VAV3: variants seen among roughly 807,000 people sequenced by gnomAD.
VAV3 encodes vav guanine nucleotide exchange factor 3, also known as guanine nucleotide exchange factor VAV3.
VAV3 carries 94 observed loss-of-function variants against 131.2 expected under a neutral mutation model. The observed-to-expected ratio is 0.72, with a 90% CI of 0.61 to 0.85. The LOEUF (loss-of-function observed/expected upper bound fraction) is 0.85, where lower values mean the gene tolerates loss of function less well. Among genes scored for constraint, VAV3 ranks in the 40% least tolerant of loss-of-function variants. VAV3 has a pLI of 0.00. For missense variants in VAV3, 939 were observed against 1,002.7 expected, an observed-to-expected ratio of 0.94 and a Z score of 0.86; for synonymous variants, 349 against 342.0, an observed-to-expected ratio of 1.02 and a Z score of -0.22.
intron 2 of VAV3, among the ~76,000 whole-genome samples, chr1:107,781,261 C>T (rs17556028): frequency 0.31 from 46,474 of 151,956 alleles, 7,693 homozygotes; most frequent in Non-Finnish European, 0.36. Flanking sequence ...CTATCATATG[C>T]TTAACTCAGT....
intron 1 of VAV3, among the ~76,000 whole-genome samples, chr1:107,904,374 C>T (rs1393516431): frequency 6.6e-6 from 1 of 152,176 alleles, no homozygotes; most frequent in Non-Finnish European, 1.5e-5. Flanking sequence ...TCTTCATTTC[C>T]TTGGTTCTTT....
intron 2 of VAV3, among the ~76,000 whole-genome samples, chr1:107,815,486 A>T (rs77436627): frequency 0.093 from 14,193 of 152,254 alleles, 842 homozygotes; most frequent in East Asian, 0.25. Flanking sequence ...GCACTGTTCC[A>T]GGCTGCCTGG....
chr1:107,827,346 G>GTTACAAAAAGAACAAC, intron 2 of VAV3, among the ~76,000 whole-genome samples: 1 of 152,192 alleles, frequency 6.6e-6, no homozygotes, highest in East Asian at 1.9e-4. Context: ...TACAAATGAG[G>GTTACAAAAAGAACAAC]TCACTGTTCC....
intron 17 of VAV3, among the ~76,000 whole-genome samples, chr1:107,699,388 C>T (rs1264571610): frequency 6.6e-6 from 1 of 152,258 alleles, no homozygotes; most frequent in African/African-American, 2.4e-5. Context: ...CACCCAGGGT[C>T]TTGGGCAGCT....
At chr1:107,855,629 G>T (rs1467557643) in intron 2 of VAV3, among the ~76,000 whole-genome samples, 1 of 152,094 alleles carries the variant, frequency 6.6e-6, no homozygotes, top group Non-Finnish European at 1.5e-5. Context: ...CAGGAATTGT[G>T]TAACAACTGG....
intron 2 of VAV3, among the ~76,000 whole-genome samples, chr1:107,856,893 T>G (rs1669495810): frequency 6.6e-6 from 1 of 152,034 alleles, no homozygotes; most frequent in African/African-American, 2.4e-5. Context: ...TAAAATTAGC[T>G]GGGTGTGGTG....
chr1:107,662,099 T>C (rs1432446261), intron 19 of VAV3, among the ~76,000 whole-genome samples: 1 of 152,204 alleles, frequency 6.6e-6, no homozygotes, highest in Non-Finnish European at 1.5e-5. Context: ...ATTTGAAAAC[T>C]AGAGCACTGT....
chr1:107,626,114 G>A (rs1654000707), intron 20 of VAV3, among the ~76,000 whole-genome samples: 1 of 152,118 alleles, frequency 6.6e-6, no homozygotes, highest in African/African-American at 2.4e-5. Flanking sequence ...ACTGTACCAA[G>A]TATTGGAAAA....
chr1:107,697,825 G>A (rs1481812333), intron 17 of VAV3, among the ~76,000 whole-genome samples: 4 of 152,110 alleles, frequency 2.6e-5, no homozygotes, highest in African/African-American at 9.7e-5. Flanking sequence ...AAAACACTGG[G>A]TAGTTACTAA....
intron 19 of VAV3, among the ~76,000 whole-genome samples, chr1:107,670,791 T>C (rs968778620): frequency 6.6e-6 from 1 of 152,176 alleles, no homozygotes; most frequent in African/African-American, 2.4e-5. Flanking sequence ...ATGAGTAAAG[T>C]GCCGACTCGA....
rs770694653 is a variant in VAV3 at position 107,768,518 on chromosome 1, AAAG to A, written c.649-12_649-10del. On this transcript the variant is annotated splice_polypyrimidine_tract_variant and intron_variant, in intron 6 of 26. Coordinates refer to ENST00000370056, the MANE Select transcript of VAV3 (RefSeq NM_006113.5). ...AGTGGTGCCATGAAATACTACCAGG[AAAG>A]AAGAAGAAAATAGTAATTAAGTATA... 9 of 1,606,208 alleles carry A rather than the reference AAAG, an allele frequency of 5.6e-6. No individual in the cohort carries two copies. The highest frequency in any genetic ancestry group is 4.4e-5 in the South Asian group (4 of 90,292).
chr1:107,884,349 A>T (rs1670923597), intron 1 of VAV3, among the ~76,000 whole-genome samples: 1 of 151,060 alleles, frequency 6.6e-6, no homozygotes, highest in Admixed American at 6.6e-5. Flanking sequence ...AAAATAGCTC[A>T]TGTACCCCAT....
intron 8 of VAV3, among the ~76,000 whole-genome samples, chr1:107,766,211 A>C (rs1570921266): frequency 6.6e-6 from 1 of 152,190 alleles, no homozygotes; most frequent in East Asian, 1.9e-4. Flanking sequence ...GCGATGCAAA[A>C]AAATAAGCAC....
intron 15 of VAV3, among the ~76,000 whole-genome samples, chr1:107,723,963 AT>A (rs1349383318): frequency 1.3e-5 from 2 of 151,980 alleles, no homozygotes; most frequent in Non-Finnish European, 2.9e-5. Context: ...TTATGTCTCC[AT>A]TTTTTTCATT....
chr1:107,615,061 G>A (rs1653042479), intron 21 of VAV3, among the ~76,000 whole-genome samples: 1 of 151,954 alleles, frequency 6.6e-6, no homozygotes, highest in Non-Finnish European at 1.5e-5. Context: ...AAATAAGAGT[G>A]GTATCAAACT....
chr1:107,780,937 C>CA (rs2102231553), intron 2 of VAV3, among the ~76,000 whole-genome samples: 1 of 152,220 alleles, frequency 6.6e-6, no homozygotes, highest in Admixed American at 6.5e-5. Context: ...CGAGAAAAGG[C>CA]AAAAATCTGT....
intron 1 of VAV3, among the ~76,000 whole-genome samples, chr1:107,895,784 TTA>T (rs1267428670): frequency 7.2e-5 from 11 of 152,164 alleles, no homozygotes; most frequent in Non-Finnish European, 1.3e-4. Context: ...CAAAAATGAA[TTA>T]GTTATAAATT....
At chr1:107,823,352 T>C (rs1322014458) in intron 2 of VAV3, among the ~76,000 whole-genome samples, 2 of 152,166 alleles carry the variant, frequency 1.3e-5, no homozygotes, top group African/African-American at 4.8e-5. Flanking sequence ...CTTACTAAAT[T>C]TGAGTTCAGA....
intron 19 of VAV3, among the ~76,000 whole-genome samples, chr1:107,677,187 A>T (rs1005234117): frequency 7.2e-5 from 11 of 152,230 alleles, no homozygotes; most frequent in African/African-American, 2.7e-4. Flanking sequence ...AATTAATTTG[A>T]TAATAATCTT....
Sources: gnomAD v4.1 joint callset for allele counts (sites outside exome capture counted in the v4.1 genomes callset) on GRCh38, gnomAD v4.1.1 for gene constraint, MANE v1.5 for transcripts, NCBI Gene and HGNC (gene_info 2026-07-23, HGNC 2026-07-21) for gene names.